EPM2A: variants seen among roughly 807,000 people sequenced by gnomAD.
EPM2A encodes laforin.
In EPM2A, 21 loss-of-function variants were observed where a neutral mutation model predicts 26.5. The observed-to-expected ratio is 0.79, with a 90% CI of 0.56 to 1.14. EPM2A has a LOEUF of 1.14. EPM2A is among the 50% of genes most tolerant of loss of function. EPM2A has a pLI of 0.00. For missense variants in EPM2A, 458 were observed against 440.8 expected (o/e 1.04, Z -0.35); for synonymous variants, 217 against 177.6 (o/e 1.22, Z -1.76).
Position 145,686,103 on chromosome 6 carries a change from A to C in EPM2A, c.476+19T>G, listed in dbSNP as rs1780887309. 2.5e-6 allele frequency: 4 copies of C among 1,603,514 alleles called. No homozygotes were observed. Among genetic ancestry groups the C allele is most frequent in the Admixed American group, 3.3e-5 (2 of 59,848 alleles). ...CTCTTGTCCTACTTCTATGCCTATA[A>C]ATATAGCACTATTTTTACCTTGAAT... On this transcript the variant is annotated intron_variant, in intron 2 of 3. Transcript: ENST00000367519.
At chr6:145,436,202 G>A (rs527398517) in intron 4 of EPM2A, among the ~76,000 whole-genome samples, 1 of 152,236 alleles carries the variant, frequency 6.6e-6, no homozygotes, top group East Asian at 1.9e-4. Flanking sequence ...GGCCAAATAT[G>A]TTGCATTGTA....
intron 2 of EPM2A, among the ~76,000 whole-genome samples, chr6:145,570,006 CCAA>C (rs1244388846): frequency 2.5e-4 from 38 of 152,236 alleles, no homozygotes; most frequent in African/African-American, 8.9e-4. Flanking sequence ...CAGGAAGCAT[CCAA>C]CACCGGAGAA....
At chr6:145,452,729 A>G (rs771008539) in intron 4 of EPM2A, among the ~76,000 whole-genome samples, 5 of 151,982 alleles carry the variant, frequency 3.3e-5, no homozygotes, top group Non-Finnish European at 5.9e-5. Context: ...AATTAAAAAT[A>G]AATGTATATT....
In EPM2A at chr6:145,426,462, G is replaced by A. The variant is rs367941893; in HGVS notation, c.556-42365C>T. Among the ~76,000 whole-genome samples the A allele has an allele frequency of 1.4e-3, 206 of 152,292 alleles. 1 individual carries two copies. Among genetic ancestry groups the A allele is most frequent in the African/African-American group, 4.6e-3 (190 of 41,548 alleles). ...TTTTTAAATTAACAGTGTAGCATAT[G>A]TTATTCCAAACATCTGAATGGATTA... On this transcript the variant is annotated intron_variant, in intron 4 of 4. Coordinates refer to the EPM2A transcript ENST00000638717.
chr6:145,672,412 C>T (rs1779711635), intron 2 of EPM2A, among the ~76,000 whole-genome samples: 1 of 152,110 alleles, frequency 6.6e-6, no homozygotes, highest in Non-Finnish European at 1.5e-5. Flanking sequence ...AACAGAGCTA[C>T]AACAAACAAC....
At chr6:145,681,278 G>C (rs1407393777) in intron 2 of EPM2A, among the ~76,000 whole-genome samples, 4 of 149,444 alleles carry the variant, frequency 2.7e-5, no homozygotes, top group Non-Finnish European at 4.5e-5. Flanking sequence ...GTTCATTGTA[G>C]ATTCTGGATA....
At chr6:145,487,792 C>G (rs541210255) in intron 4 of EPM2A, among the ~76,000 whole-genome samples, 1 of 152,196 alleles carries the variant, frequency 6.6e-6, no homozygotes, top group Non-Finnish European at 1.5e-5. Flanking sequence ...TTGATAGTTT[C>G]TTTGGCTGTG....
At chr6:145,465,542 G>A (rs1185260288) in intron 4 of EPM2A, among the ~76,000 whole-genome samples, 21 of 150,746 alleles carry the variant, frequency 1.4e-4, no homozygotes, top group African/African-American at 3.9e-4. Context: ...GAGGAGAGGC[G>A]CTCTGCTTTT....
intron 2 of EPM2A, among the ~76,000 whole-genome samples, chr6:145,675,769 C>G (rs1779988488): frequency 9.9e-5 from 15 of 152,092 alleles, no homozygotes; most frequent in Admixed American, 9.8e-4. Context: ...CAGGAGCACC[C>G]AGATTCATAA....
chr6:145,433,932 G>T (rs1237370561), intron 4 of EPM2A, among the ~76,000 whole-genome samples: 1 of 152,010 alleles, frequency 6.6e-6, no homozygotes, highest in African/African-American at 2.4e-5. Context: ...TACTGGAAGG[G>T]CAGAAATTTG....
intron 2 of EPM2A, among the ~76,000 whole-genome samples, chr6:145,515,638 T>C (rs954985480): frequency 1.3e-5 from 2 of 152,164 alleles, no homozygotes; most frequent in African/African-American, 2.4e-5. Flanking sequence ...CCTGTCCCCA[T>C]GATCTAATCA....
chr6:145,394,448 C>T (rs527741151), intron 4 of EPM2A, among the ~76,000 whole-genome samples: 1 of 152,168 alleles, frequency 6.6e-6, no homozygotes, highest in Admixed American at 6.5e-5. Context: ...AGATAGAGCC[C>T]AACAAACCTC....
At chr6:145,613,507 A>G (rs1487087110) in intron 2 of EPM2A, among the ~76,000 whole-genome samples, 2 of 152,158 alleles carry the variant, frequency 1.3e-5, no homozygotes, top group Non-Finnish European at 2.9e-5. Context: ...CTTTGCCTAG[A>G]TCCATCAAGA....
At chr6:145,414,133 A>G (rs1268628920) in intron 4 of EPM2A, among the ~76,000 whole-genome samples, 1 of 152,158 alleles carries the variant, frequency 6.6e-6, no homozygotes, top group African/African-American at 2.4e-5. Context: ...GAAGTACTCC[A>G]GATCAACTCC....
At chr6:145,564,810 G>A (rs886712112) in intron 2 of EPM2A, among the ~76,000 whole-genome samples, 4 of 151,872 alleles carry the variant, frequency 2.6e-5, no homozygotes, top group Admixed American at 2.0e-4. Context: ...GCTGGGAAGT[G>A]TTGTAGTAGA....
chr6:145,523,098 C>T (rs570100342), intron 2 of EPM2A, among the ~76,000 whole-genome samples: 7 of 152,064 alleles, frequency 4.6e-5, no homozygotes, highest in Non-Finnish European at 7.4e-5. Flanking sequence ...TTTGAATTTG[C>T]GTGTTTTCTC....
At chr6:145,522,664 T>G (rs1780218230) in intron 2 of EPM2A, among the ~76,000 whole-genome samples, 1 of 152,208 alleles carries the variant, frequency 6.6e-6, no homozygotes, top group African/African-American at 2.4e-5. Flanking sequence ...TGTTCATTCT[T>G]AAACCTGTTT....
intron 1 of EPM2A, among the ~76,000 whole-genome samples, chr6:145,692,397 A>G (rs1239085560): frequency 6.6e-6 from 1 of 152,054 alleles, no homozygotes; most frequent in Non-Finnish European, 1.5e-5. Context: ...AGCACCCAAT[A>G]TAGCAGAATG....
Position 145,534,875 on chromosome 6 carries a change from G to A in EPM2A, c.341-32300C>T, listed in dbSNP as rs143736086. ...TTCAGTTTCCATGTCATCAAGTCAG[G>A]TTACCTAAAGCTTGTTTAGGTACCA... is the stretch of plus-strand genomic sequence containing the variant. On this transcript the variant is annotated intron_variant, in intron 2 of 3. Transcript: ENST00000450221. Among the ~76,000 whole-genome samples, 88 of 152,180 alleles carry A rather than the reference G, an allele frequency of 5.8e-4. 3 individuals are homozygous for A. In the East Asian group the frequency reaches 0.014, roughly 23 times the overall value.
Sources: gnomAD v4.1 joint callset for allele counts (sites outside exome capture counted in the v4.1 genomes callset) on GRCh38, gnomAD v4.1.1 for gene constraint, MANE v1.5 for transcripts, NCBI Gene and HGNC (gene_info 2026-07-23, HGNC 2026-07-21) for gene names.